Variants in PCDHGA11 observed in about 807,000 individuals in gnomAD.
PCDHGA11 encodes protocadherin gamma-A11.
In PCDHGA11, 39 loss-of-function variants were observed where a neutral mutation model predicts 60.4. That is an observed-to-expected ratio of 0.65 (90% confidence interval 0.50 to 0.84). PCDHGA11 has a LOEUF of 0.84. Ranked by LOEUF, PCDHGA11 falls within the 40% of genes least tolerant of loss-of-function variation. The pLI is 0.00. For missense variants in PCDHGA11, 1,165 were observed against 1,197.7 expected (o/e 0.97, Z 0.40); for synonymous variants, 533 against 510.3 (o/e 1.04, Z -0.60).
intron 1 of PCDHGA11, among the ~76,000 whole-genome samples, chr5:141,437,686 G>A (rs1025629140): frequency 2.6e-5 from 4 of 151,740 alleles, no homozygotes; most frequent in African/African-American, 9.7e-5. Flanking sequence ...AACTGATGAG[G>A]CTAAATCTCA....
At position 141,491,561 on chromosome 5, in the gene PCDHGA11, A is replaced by C. The variant is rs1289732955; in HGVS notation, c.2434-3246A>C. The C allele has an allele frequency of 1.2e-6, 2 of 1,613,938 alleles. No homozygotes were observed. Among genetic ancestry groups the C allele is most frequent in the Admixed American group, 3.3e-5 (2 of 60,016 alleles). On this transcript the variant is annotated intron_variant, in intron 1 of 3. Transcript: ENST00000398587. This position sits in a 1 kb window ranked among gnomAD's most constrained non-coding sequence, Gnocchi z 6.9. ...CCCACAGACTCGCAGAGCCACTGCT[A>C]CAGGACGTGCTTTTCACCGGCCTCG...
At chr5:141,475,840 A>G (rs1039073157) in intron 1 of PCDHGA11, 2 of 434,770 alleles carry the variant, frequency 4.6e-6, no homozygotes, top group Non-Finnish European at 8.2e-6. Context: ...TGTCCTGCTC[A>G]GAGAGCCCGG....
chr5:141,428,119 C>CCGGGCTTTTCAGCCTGGGGCTGCACA, intron 1 of PCDHGA11: 1 of 1,606,630 alleles, frequency 6.2e-7, no homozygotes, highest in Non-Finnish European at 8.5e-7. Context: ...GCCATCGAGC[C>CCGGGCTTTTCAGCCTGGGGCTGCACA]CGGGCTTTTC....
rs1243112302 is a variant in PCDHGA11, at chr5:141,476,738, C to G, written c.2434-18069C>G. 6.2e-7 allele frequency: 1 copy of G among 1,614,076 alleles called. No homozygotes were observed. Among genetic ancestry groups the G allele is most frequent in the Non-Finnish European group, 8.5e-7 (1 of 1,180,028 alleles). On this transcript the variant is annotated intron_variant, in intron 1 of 3. Transcript: ENST00000398587. This position sits in a 1 kb window ranked among gnomAD's most constrained non-coding sequence, Gnocchi z 7.6. ...GCGCGCCCTGGACCGAGAACGGGAG[C>G]CTAGTCTCCAGTTAGTGCTGACGGC...
At chr5:141,456,821 A>G (rs1432134342) in intron 1 of PCDHGA11, among the ~76,000 whole-genome samples, 2 of 151,744 alleles carry the variant, frequency 1.3e-5, no homozygotes, top group Admixed American at 6.6e-5. Context: ...AAAATTAGCC[A>G]TCGTGGTAGT....
At chr5:141,439,202 A>AG (rs1348445707) in intron 1 of PCDHGA11, among the ~76,000 whole-genome samples, 2 of 151,954 alleles carry the variant, frequency 1.3e-5, no homozygotes, top group African/African-American at 4.8e-5. Context: ...AAAAAAAAAA[A>AG]AAATCCATAT....
intron 1 of PCDHGA11, chr5:141,441,104 T>C (rs1158565054): frequency 6.6e-6 from 1 of 152,204 alleles, no homozygotes; most frequent in Non-Finnish European, 1.5e-5. Flanking sequence ...GAGGGACTCA[T>C]TGTCCAGTGT....
chr5:141,496,144 T>C (rs1478887814), intron 2 of PCDHGA11, among the ~76,000 whole-genome samples: 1 of 151,780 alleles, frequency 6.6e-6, no homozygotes, highest in Non-Finnish European at 1.5e-5. Context: ...GAGCCTTTGA[T>C]CGCAGCTCTC....
rs3074541 is a variant in PCDHGA11 at position 141,433,358 on chromosome 5, CCTATCTATCTATCTATCTATCTAT to C, written c.2433+9723_2433+9746del. 6 of 503,934 alleles carry C rather than the reference CCTATCTATCTATCTATCTATCTAT, an allele frequency of 1.2e-5. No homozygotes were observed. In the Admixed American group the frequency reaches 1.5e-4, roughly 12 times the overall value. The allele number at this position is 503,934 out of a possible 1,614,324, so 31.2% of individuals were successfully genotyped here. ...ACAGGTGCAAGCCACCTACTGTCTG[CCTATCTATCTATCTATCTATCTAT>C]CTATCTATCTATCTATCTATCTATT... On this transcript the variant is annotated intron_variant, in intron 1 of 3. Transcript: ENST00000398587.
chr5:141,480,719 A>G (rs1455113968), intron 1 of PCDHGA11, among the ~76,000 whole-genome samples: 1 of 152,194 alleles, frequency 6.6e-6, no homozygotes, highest in Non-Finnish European at 1.5e-5. Flanking sequence ...ATGAAAGCAC[A>G]GTCTCTGGGG....
chr5:141,454,857 G>C (rs1365819097), intron 1 of PCDHGA11, among the ~76,000 whole-genome samples: 2 of 131,566 alleles, frequency 1.5e-5, no homozygotes, highest in African/African-American at 6.0e-5. Context: ...ACCCAGGCTG[G>C]AGTGCAGTGG....
rs2154573815 is a variant in PCDHGA11 at position 141,475,798 on chromosome 5, CAAAGG to C, written c.2434-19004_2434-19000del. ...TTGGCTGGAAACTCTGGAAGGAAGC[CAAAGG>C]AAAGTGAAGTTCCTGGCGCTAGCGC... On this transcript the variant is annotated intron_variant, in intron 1 of 3. Coordinates refer to ENST00000398587, the MANE Select transcript of PCDHGA11 (RefSeq NM_018914.3). The C allele has an allele frequency of 9.7e-6, 3 of 309,052 alleles. No homozygotes were observed. The South Asian group carries it at 2.0e-4, about 21-fold the overall frequency. 19.1% of individuals were successfully genotyped at this position (309,052 alleles called of 1,614,324 possible).
At chr5:141,430,928 C>A in intron 1 of PCDHGA11, 1 of 1,607,098 alleles carries the variant, frequency 6.2e-7, no homozygotes, top group Non-Finnish European at 8.5e-7. Context: ...GCTGGAGCCC[C>A]GGGAGCTCGC....
rs374663576 is a variant in PCDHGA11, at chr5:141,489,905, G to T, written c.2434-4902G>T. On this transcript the variant is annotated intron_variant, in intron 1 of 3. Coordinates refer to ENST00000398587, the MANE Select transcript of PCDHGA11 (RefSeq NM_018914.3). The surrounding 1 kb of genome is among the most constrained non-coding windows in gnomAD (Gnocchi z 4.5). ...GCTGTGGATGGGGGGACCCCAGCCC[G>T]CTCAGGGACCACCCTTATCTCTGTC... The T allele has an allele frequency of 9.7e-5, 156 of 1,614,226 alleles. 3 individuals are homozygous for T. The South Asian group carries it at 1.6e-3, about 16-fold the overall frequency.
chr5:141,446,173 G>A (rs2098491860), intron 1 of PCDHGA11, among the ~76,000 whole-genome samples: 1 of 152,076 alleles, frequency 6.6e-6, no homozygotes, highest in East Asian at 1.9e-4. Context: ...TGAGGGCAGG[G>A]GGTGTTTTGT....
intron 1 of PCDHGA11, among the ~76,000 whole-genome samples, chr5:141,494,397 A>G (rs965158973): frequency 7.2e-5 from 11 of 152,208 alleles, no homozygotes; most frequent in African/African-American, 2.4e-4. Flanking sequence ...GAATAAATTC[A>G]TTCTAGGGCT....
chr5:141,470,828 C>A (rs1328067769), intron 1 of PCDHGA11, among the ~76,000 whole-genome samples: 1 of 151,994 alleles, frequency 6.6e-6, no homozygotes, highest in Non-Finnish European at 1.5e-5. Flanking sequence ...GTTAGGACGA[C>A]AAACACACGC....
At chr5:141,456,171 A>ACAGGCG (rs1443838766) in intron 1 of PCDHGA11, among the ~76,000 whole-genome samples, 2 of 152,096 alleles carry the variant, frequency 1.3e-5, no homozygotes, top group East Asian at 3.9e-4. Flanking sequence ...TGCTGGGATT[A>ACAGGCG]CAGAATAATT....
intron 1 of PCDHGA11, among the ~76,000 whole-genome samples, chr5:141,434,340 G>A (rs2097687601): frequency 6.6e-6 from 1 of 152,150 alleles, no homozygotes; most frequent in Non-Finnish European, 1.5e-5. Context: ...TTTGTGTCGG[G>A]AACAGGCCCC....
Sources: gnomAD v4.1 joint callset for allele counts (sites outside exome capture counted in the v4.1 genomes callset) on GRCh38, gnomAD v4.1.1 for gene constraint, Gnocchi (gnomAD v3.1) non-coding constraint, MANE v1.5 for transcripts, NCBI Gene and HGNC (gene_info 2026-07-23, HGNC 2026-07-21) for gene names.